Variants in ERAP2 observed in about 807,000 individuals in gnomAD.
The protein encoded by ERAP2 is endoplasmic reticulum aminopeptidase 2.
Under a neutral mutation model 111.1 loss-of-function variants are expected in ERAP2, and 118 were observed. That is an observed-to-expected ratio of 1.06 (90% CI 0.92 to 1.24). The LOEUF is 1.24. Among genes scored for constraint, ERAP2 ranks in the 50% most tolerant of loss-of-function variants. ERAP2 has a pLI of 0.00. For synonymous variants in ERAP2, 410 were observed against 401.2 expected, an observed-to-expected ratio of 1.02 and a Z score of -0.26; for missense variants, 1,131 against 1,125.8, an observed-to-expected ratio of 1.00 and a Z score of -0.07.
In ERAP2 at chr5:96,912,636, G is replaced by A. The variant is rs760360559; in HGVS notation, c.2355-1G>A. On this transcript the variant is annotated splice_acceptor_variant, in intron 15 of 18. Coordinates refer to ENST00000437043, the MANE Select transcript of ERAP2 (RefSeq NM_022350.5). LOFTEE classifies it high-confidence loss of function. ...CTTCATTTTTATGCTTGATATTACA[G>A]TATACCAACAGATGTTTTAAAGATT... 3.1e-6 allele frequency: 5 copies of A among 1,603,156 alleles called. No homozygotes were observed. Among genetic ancestry groups the A allele is most frequent in the Non-Finnish European group, 4.2e-6 (5 of 1,177,054 alleles).
In ERAP2 at chr5:96,895,377, T is replaced by C. The variant is rs1784776026; in HGVS notation, c.1239+18T>C. 1.4e-6 allele frequency: 2 copies of C among 1,446,908 alleles called. No homozygotes were observed. The highest frequency in any genetic ancestry group is 2.3e-5 in the East Asian group (1 of 44,020). The allele number at this position is 1,446,908 out of a possible 1,614,324, so 89.6% of individuals were successfully genotyped here. A position where few individuals can be genotyped will look rare whatever the true frequency, so the allele number is the denominator to read the frequency against. ...TGCAATTTGTAAGTTCACAATTCTG[T>C]GTATCATACTATATGGTGTAAAGAA... is the stretch of plus-strand genomic sequence containing the variant. On this transcript the variant is annotated intron_variant, in intron 7 of 18. Coordinates refer to ENST00000437043, the MANE Select transcript of ERAP2 (RefSeq NM_022350.5).
intron 17 of ERAP2, among the ~76,000 whole-genome samples, chr5:96,914,324 T>C (rs570423311): frequency 2.6e-5 from 4 of 152,212 alleles, no homozygotes; most frequent in African/African-American, 9.7e-5. Flanking sequence ...CCTAGTTCCT[T>C]CTCTTTCATT....
intron 6 of ERAP2, among the ~76,000 whole-genome samples, chr5:96,893,241 A>G (rs1197296675): frequency 6.6e-6 from 1 of 152,206 alleles, no homozygotes; most frequent in Non-Finnish European, 1.5e-5. Flanking sequence ...ACTCTCAGTA[A>G]TGCAGTAAAT....
chr5:96,896,884 C>T (rs565622897), intron 9 of ERAP2, 21 bp downstream of exon 9: 139 of 1,548,766 alleles, frequency 9.0e-5, no homozygotes, highest in South Asian at 8.8e-4. Flanking sequence ...TGTTGGGTAA[C>T]GATAGACTGT....
intron 5 of ERAP2, 54 bp from the exon 6 acceptor site, chr5:96,892,245 C>A: frequency 6.3e-7 from 1 of 1,584,386 alleles, no homozygotes; most frequent in African/African-American, 1.3e-5. Context: ...AGAGCAAATT[C>A]TATTTCTGGT....
chr5:96,903,645 T>C, intron 13 of ERAP2, 85 bp downstream of exon 13: 1 of 1,253,562 alleles, frequency 8.0e-7, no homozygotes, highest in Middle Eastern at 2.1e-4. Flanking sequence ...TGTTCAACAT[T>C]GGTCATTGAT....
At position 96,902,066 on chromosome 5, in the gene ERAP2, T is replaced by G. The variant is rs151034919; in HGVS notation, c.1749-208T>G. Among the ~76,000 whole-genome samples, 6 of 152,350 alleles carry G rather than the reference T, an allele frequency of 3.9e-5. No individual in the cohort carries two copies. The East Asian group carries it at 1.2e-3, about 29-fold the overall frequency. The stretch of plus-strand genomic sequence containing the variant: ...GTGGCAGAGTTCAACTAGGTAGATA[T>G]GGCTGCTCCTTTATAATTATCATGG... On this transcript the variant is annotated intron_variant, in intron 11 of 18. Coordinates refer to ENST00000437043, the MANE Select transcript of ERAP2 (RefSeq NM_022350.5).
intron 5 of ERAP2, among the ~76,000 whole-genome samples, chr5:96,891,507 A>ATGCGG (rs1561371886): frequency 5.9e-4 from 27 of 45,782 alleles, no homozygotes; most frequent in Non-Finnish European, 1.0e-3. Flanking sequence ...GTGTATATAT[A>ATGCGG]TATATATATG....
intron 13 of ERAP2, among the ~76,000 whole-genome samples, chr5:96,906,827 T>A (rs1451211371): frequency 6.6e-6 from 1 of 151,436 alleles, no homozygotes; most frequent in Non-Finnish European, 1.5e-5. Flanking sequence ...AGGTCAGGAG[T>A]TCAAGACCAG....
chr5:96,914,148 T>TCACACA (rs1554061288), intron 17 of ERAP2, among the ~76,000 whole-genome samples: 17 of 148,078 alleles, frequency 1.1e-4, no homozygotes, highest in African/African-American at 4.0e-4. Context: ...TCTCTCTCTC[T>TCACACA]CACACACACA....
Position 96,912,200 on chromosome 5 carries a change from A to G in ERAP2, c.2355-437A>G, listed in dbSNP as rs1261767164. Reference sequence around the variant, plus strand: ...TGAGACTCCACCTCAAAAAAAAAAAAAAAAGAAAAGAAAAGAAAAAAATGC... The same window carrying G: ...TGAGACTCCACCTCAAAAAAAAAAAGAAAAGAAAAGAAAAGAAAAAAATGC... On this transcript the variant is annotated intron_variant, in intron 15 of 18. Transcript: ENST00000437043. Among the ~76,000 whole-genome samples, 45 of 143,052 alleles carry G rather than the reference A, an allele frequency of 3.1e-4. No homozygotes were observed. In the East Asian group the frequency reaches 7.4e-3, roughly 23 times the overall value. 93.8% of individuals were successfully genotyped at this position (143,052 alleles called of 152,430 possible).
chr5:96,881,281 A>T (rs763409714), intron 2 of ERAP2: 10 of 390,116 alleles, frequency 2.6e-5, no homozygotes, highest in Non-Finnish European at 4.1e-5. Context: ...GCAGTAGTTC[A>T]GGTAAGAAGT....
intron 4 of ERAP2, 40 bp downstream of exon 4, chr5:96,886,829 T>A: frequency 1.5e-6 from 2 of 1,361,528 alleles, no homozygotes; most frequent in Non-Finnish European, 1.9e-6. Context: ...TGCAGAAAAG[T>A]GTCCTGAGAG....
chr5:96,902,251 A>C (rs367848817), intron 11 of ERAP2, 23 bp from the exon 12 acceptor site: 50 of 1,522,600 alleles, frequency 3.3e-5, no homozygotes, highest in Non-Finnish European at 3.8e-5. Flanking sequence ...TTGGTCTGTA[A>C]CTATCTTTAC....
intron 16 of ERAP2, 122 bp from the exon 17 acceptor site, chr5:96,913,195 T>A (rs1786999270): frequency 5.6e-6 from 4 of 714,288 alleles, no homozygotes; most frequent in Non-Finnish European, 8.8e-6. Flanking sequence ...CATTAAAAAA[T>A]TGGTAATTAT....
intron 15 of ERAP2, among the ~76,000 whole-genome samples, chr5:96,910,547 A>G (rs1230225039): frequency 6.6e-6 from 1 of 152,168 alleles, no homozygotes; most frequent in African/African-American, 2.4e-5. Context: ...CTAAAATGTA[A>G]ACATCCTACT....
chr5:96,892,347 GCCTCATT>G lies in ERAP2; in HGVS notation c.1020_1026del (p.Leu341HisfsTer26). ...GCACCTGGAGCCATGGAAAATTGGG[GCCTCATT>G]ACATATAGGGAGACGTCACTGCTTT... On this transcript the variant is annotated frameshift_variant, in exon 6 of 19. Transcript: ENST00000437043. LOFTEE classifies it high-confidence loss of function. 6.2e-7 allele frequency: 1 copy of G among 1,613,888 alleles called. No homozygotes were observed. The highest frequency in any genetic ancestry group is 8.5e-7 in the Non-Finnish European group (1 of 1,179,882).
At position 96,880,024 on chromosome 5, in the gene ERAP2, A is replaced by C. The variant is rs768580305; in HGVS notation, c.339A>C (p.Lys113Asn). ...NATQFIILHS[K>N]DLEITNATLQ... ...CCCAGTTTATCATCTTGCACAGCAAAGATCTTGAAATCACGAATGCCACCC... is the reference window on the plus strand; with the variant it reads ...CCCAGTTTATCATCTTGCACAGCAACGATCTTGAAATCACGAATGCCACCC... The change falls in exon 2 of 19, where the codon AAA becomes AAC. Residue 113 changes from lysine (K) to asparagine (N), a missense_variant. Around this residue, in one of 3 missense-constraint regions of ERAP2, gnomAD observed 847 missense variants for 856.5 expected, o/e 0.99. Transcript: ENST00000437043. 1.2e-6 allele frequency: 2 copies of C among 1,614,180 alleles called. No individual in the cohort carries two copies. Among genetic ancestry groups the C allele is most frequent in the East Asian group, 2.2e-5 (1 of 44,890 alleles).
At position 96,883,870 on chromosome 5, in the gene ERAP2, C is replaced by A; in HGVS notation, c.654C>A (p.Ala218=). ...GCTTTGATGAACCGTTGTTCAAAGC[C>A]AACTTTTCAATCAAGATACGAAGAG... ...FPCFDEPLFK[A]NFSIKIRRES... Residue 218 remains alanine, a synonymous_variant, in exon 3 of 19, where the codon GCC becomes GCA. Transcript: ENST00000437043. 6.2e-7 allele frequency: 1 copy of A among 1,613,734 alleles called. No individual in the cohort carries two copies. Among genetic ancestry groups the A allele is most frequent in the South Asian group, 1.1e-5 (1 of 91,026 alleles).
Sources: gnomAD v4.1 joint callset for allele counts (sites outside exome capture counted in the v4.1 genomes callset) on GRCh38, gnomAD v4.1.1 for gene constraint, gnomAD v4.1.1 regional missense constraint, MANE v1.5 for transcripts, NCBI Gene and HGNC (gene_info 2026-07-23, HGNC 2026-07-21) for gene names.